Variants in STX8 observed in about 807,000 individuals in gnomAD.
STX8 encodes syntaxin-8.
A neutral mutation model predicts 37.5 loss-of-function variants in STX8; 23 were observed. The observed-to-expected ratio is 0.61, with a 90% confidence interval of 0.44 to 0.87. The LOEUF (loss-of-function observed/expected upper bound fraction) is 0.87. Ranked by LOEUF, STX8 falls within the 40% of genes least tolerant of loss-of-function variation. The pLI is 0.00. For missense variants in STX8, 313 were observed against 284.7 expected (o/e 1.10, Z -0.71); for synonymous variants, 115 against 99.1 (o/e 1.16, Z -0.95).
At chr17:9,339,609 G>A (rs542244103) in intron 7 of STX8, among the ~76,000 whole-genome samples, 4 of 151,944 alleles carry the variant, frequency 2.6e-5, no homozygotes, top group African/African-American at 7.2e-5. Flanking sequence ...AGCCGAGATC[G>A]CGCCACTGCG....
At chr17:9,312,084 A>AT (rs1239742291) in intron 7 of STX8, among the ~76,000 whole-genome samples, 4 of 151,738 alleles carry the variant, frequency 2.6e-5, no homozygotes, top group African/African-American at 4.8e-5. Flanking sequence ...TGACCTTGTG[A>AT]TTTGCCTGCC....
intron 6 of STX8, among the ~76,000 whole-genome samples, chr17:9,398,676 T>C (rs1912495375): frequency 6.6e-6 from 1 of 152,186 alleles, no homozygotes. Flanking sequence ...CTCTGTACTA[T>C]CTATTCAATT....
intron 6 of STX8, among the ~76,000 whole-genome samples, chr17:9,445,660 G>A (rs1904823134): frequency 1.3e-5 from 2 of 151,948 alleles, no homozygotes; most frequent in Admixed American, 1.3e-4. Flanking sequence ...ATAAGTTTGA[G>A]TCATTAAATT....
At chr17:9,308,884 G>C (rs1056444497) in intron 7 of STX8, among the ~76,000 whole-genome samples, 3 of 151,960 alleles carry the variant, frequency 2.0e-5, no homozygotes, top group Non-Finnish European at 4.4e-5. Context: ...TTGGGGTATC[G>C]TTTGCAAAGC....
chr17:9,387,452 A>G (rs1007129894), intron 6 of STX8, among the ~76,000 whole-genome samples: 16 of 152,018 alleles, frequency 1.1e-4, no homozygotes, highest in African/African-American at 2.4e-4. Context: ...CCGCCACCAC[A>G]CCCGGCTAAT....
chr17:9,296,882 A>T (rs915781032), intron 7 of STX8, among the ~76,000 whole-genome samples: 1 of 152,220 alleles, frequency 6.6e-6, no homozygotes, highest in Admixed American at 6.5e-5. Context: ...GATTTTAGAC[A>T]AGTTACTAAA....
intron 6 of STX8, among the ~76,000 whole-genome samples, chr17:9,395,277 G>A (rs774054139): frequency 4.7e-4 from 72 of 152,108 alleles, no homozygotes; most frequent in South Asian, 1.0e-3. Context: ...AAGACAATGC[G>A]TGTTTTGGGA....
intron 7 of STX8, among the ~76,000 whole-genome samples, chr17:9,369,292 G>A (rs1855234966): frequency 6.6e-6 from 1 of 152,098 alleles, no homozygotes; most frequent in African/African-American, 2.4e-5. Context: ...TACAGAGACA[G>A]ACACACAAGA....
chr17:9,429,295 TATAA>T (rs1016955244), intron 6 of STX8, among the ~76,000 whole-genome samples: 8 of 146,478 alleles, frequency 5.5e-5, no homozygotes, highest in South Asian at 2.1e-4. Context: ...ATATAAAATA[TATAA>T]ATACATTATT....
At chr17:9,357,656 A>G (rs1381284537) in intron 7 of STX8, among the ~76,000 whole-genome samples, 1 of 152,084 alleles carries the variant, frequency 6.6e-6, no homozygotes, top group African/African-American at 2.4e-5. Context: ...TGATCATGTC[A>G]TTTCATTCCA....
intron 4 of STX8, among the ~76,000 whole-genome samples, chr17:9,517,943 A>G (rs1905202752): frequency 6.6e-6 from 1 of 152,168 alleles, no homozygotes; most frequent in Admixed American, 6.6e-5. Context: ...CCACATAAAC[A>G]TGTGTGATGT....
intron 6 of STX8, among the ~76,000 whole-genome samples, chr17:9,471,350 A>G (rs1311852682): frequency 1.3e-5 from 2 of 151,270 alleles, no homozygotes; most frequent in Non-Finnish European, 2.9e-5. Context: ...ACAGGGTTTC[A>G]CTATCTTGGC....
At chr17:9,515,488 G>GTCTTTC (rs1555533247) in intron 4 of STX8, among the ~76,000 whole-genome samples, 2 of 149,740 alleles carry the variant, frequency 1.3e-5, no homozygotes, top group African/African-American at 5.1e-5. Flanking sequence ...TTTCTTTGAA[G>GTCTTTC]TCTTTCTCTC....
chr17:9,386,797 T>C (rs1404205663), intron 6 of STX8, among the ~76,000 whole-genome samples: 1 of 152,194 alleles, frequency 6.6e-6, no homozygotes, highest in South Asian at 2.1e-4. Context: ...TTGATAATTA[T>C]AAAGTCCTTT....
At chr17:9,463,322 A>T (rs1036180735) in intron 6 of STX8, among the ~76,000 whole-genome samples, 6 of 152,250 alleles carry the variant, frequency 3.9e-5, no homozygotes, top group Non-Finnish European at 7.3e-5. Flanking sequence ...TTCCTGGAAC[A>T]GAGTGAGCAC....
chr17:9,453,600 C>G (rs962516828), intron 6 of STX8, among the ~76,000 whole-genome samples: 2 of 147,742 alleles, frequency 1.4e-5, no homozygotes, highest in Non-Finnish European at 3.0e-5. Flanking sequence ...TCAAGCGATT[C>G]TCCTGCCTCA....
At chr17:9,552,278 G>A (rs966895838) in intron 3 of STX8, among the ~76,000 whole-genome samples, 1 of 152,196 alleles carries the variant, frequency 6.6e-6, no homozygotes, top group East Asian at 1.9e-4. Flanking sequence ...GGAATTTGAG[G>A]CTGCACTGAG....
At chr17:9,458,181 G>A (rs62063655) in intron 6 of STX8, among the ~76,000 whole-genome samples, 35,242 of 152,112 alleles carry the variant, frequency 0.23, 4,352 homozygotes, top group Middle Eastern at 0.28. Context: ...ATGGAGTCTC[G>A]CTCTGTCGTC....
chr17:9,376,132 G>T (rs1016364636), intron 7 of STX8, among the ~76,000 whole-genome samples: 13 of 152,200 alleles, frequency 8.5e-5, no homozygotes, highest in Non-Finnish European at 2.9e-5. Context: ...AAGCCGGCTG[G>T]ACTTCTGGGT....
Sources: gnomAD v4.1 joint callset for allele counts (sites outside exome capture counted in the v4.1 genomes callset) on GRCh38, gnomAD v4.1.1 for gene constraint, MANE v1.5 for transcripts, NCBI Gene and HGNC (gene_info 2026-07-23, HGNC 2026-07-21) for gene names.